SMAD3: variants seen among roughly 807,000 people sequenced by gnomAD.
SMAD3 encodes the protein SMAD family member 3, also known as MAD homolog 3.
Under a neutral mutation model 51.8 loss-of-function variants are expected in SMAD3, and 12 were observed. The ratio of observed to expected loss-of-function variants is 0.23; its 90% CI spans 0.15 to 0.38. The LOEUF (loss-of-function observed/expected upper bound fraction) is 0.38. SMAD3 is among the 10% of genes least tolerant of loss of function. SMAD3 has a pLI of 1.00. For missense variants in SMAD3, 294 were observed against 565.6 expected (o/e 0.52, Z 4.87); for synonymous variants, 238 against 227.7 (o/e 1.05, Z -0.41).
At chr15:67,068,672 C>T (rs1360405434) in intron 1 of SMAD3, among the ~76,000 whole-genome samples, 1 of 152,032 alleles carries the variant, frequency 6.6e-6, no homozygotes, top group Non-Finnish European at 1.5e-5. Context: ...TTAGGGAAAC[C>T]CAGTTGCTTG....
chr15:67,084,337 TC>T (rs1960345143), intron 1 of SMAD3, among the ~76,000 whole-genome samples: 1 of 151,894 alleles, frequency 6.6e-6, no homozygotes, highest in African/African-American at 2.4e-5. Context: ...TGCCTCGGCC[TC>T]CCAAAGTGCT....
intron 1 of SMAD3, among the ~76,000 whole-genome samples, chr15:67,115,747 G>A (rs1027128758): frequency 2.0e-5 from 3 of 152,228 alleles, no homozygotes; most frequent in Non-Finnish European, 4.4e-5. Context: ...GGCAACTTAT[G>A]CTGTGCTGGG....
intron 1 of SMAD3, among the ~76,000 whole-genome samples, chr15:67,132,071 C>T (rs952302673): frequency 3.3e-5 from 5 of 152,086 alleles, no homozygotes; most frequent in African/African-American, 9.7e-5. Context: ...TGCAGAGAAC[C>T]CTGTCCAAAC....
chr15:67,140,371 G>T (rs573650271), intron 1 of SMAD3, among the ~76,000 whole-genome samples: 2 of 152,230 alleles, frequency 1.3e-5, no homozygotes, highest in East Asian at 3.8e-4. Context: ...GTAGAGTTGA[G>T]TAGAGACTCC....
rs1042879716 is a variant in SMAD3, at chr15:67,193,699, T to C, written c.*3163T>C. 3.0e-5 allele frequency: 7 copies of C among 233,452 alleles called. No homozygotes were observed. Among genetic ancestry groups the C allele is most frequent in the Admixed American group, 5.6e-5 (1 of 17,764 alleles). The allele number at this position is 233,452 out of a possible 1,614,324, so 14.5% of individuals were successfully genotyped here. On this transcript the variant is annotated 3_prime_UTR_variant, in exon 9 of 9. Coordinates refer to ENST00000327367, the MANE Select transcript of SMAD3 (RefSeq NM_005902.4). ...CCTTATGTTGTCTGTGTTGTATTTTTTTTTTTTTATTGACCATGGTGATTA... is the reference window on the plus strand; with the variant it reads ...CCTTATGTTGTCTGTGTTGTATTTTCTTTTTTTTATTGACCATGGTGATTA...
At chr15:67,076,869 A>G (rs1037090039) in intron 1 of SMAD3, among the ~76,000 whole-genome samples, 1 of 152,148 alleles carries the variant, frequency 6.6e-6, no homozygotes, top group Non-Finnish European at 1.5e-5. Flanking sequence ...CAGCATGTGT[A>G]CCTGTGGGAC....
At chr15:67,188,121 C>T (rs1358510841) in intron 8 of SMAD3, among the ~76,000 whole-genome samples, 1 of 150,488 alleles carries the variant, frequency 6.6e-6, no homozygotes, top group Non-Finnish European at 1.5e-5. Context: ...TTTTTAGAGT[C>T]CTACATACTG....
chr15:67,123,789 T>G (rs1387254057), intron 1 of SMAD3, among the ~76,000 whole-genome samples: 1 of 152,230 alleles, frequency 6.6e-6, no homozygotes, highest in Non-Finnish European at 1.5e-5. Flanking sequence ...GTGAAGGACC[T>G]CTACATTTAA....
At chr15:67,098,791 G>A in intron 1 of SMAD3, 1 of 673,202 alleles carries the variant, frequency 1.5e-6, no homozygotes, top group Non-Finnish European at 2.7e-6. Flanking sequence ...GGGCATGGAG[G>A]GTCCTACGCA....
chr15:67,157,601 C>T (rs180963303), intron 1 of SMAD3, among the ~76,000 whole-genome samples: 4 of 152,348 alleles, frequency 2.6e-5, no homozygotes, highest in Admixed American at 6.5e-5. Flanking sequence ...ATGTGCTGTG[C>T]TCCTCACCTT....
chr15:67,138,177 A>G (rs1354260796), intron 1 of SMAD3: 1 of 1,141,298 alleles, frequency 8.8e-7, no homozygotes, highest in Admixed American at 2.0e-5. Context: ...GTTGCTGGCC[A>G]GAGATCTGTC....
At chr15:67,131,366 CA>C (rs1189126217) in intron 1 of SMAD3, among the ~76,000 whole-genome samples, 1 of 152,180 alleles carries the variant, frequency 6.6e-6, no homozygotes, top group Non-Finnish European at 1.5e-5. Context: ...TGCCATCAGC[CA>C]GGAGATAGTC....
chr15:67,188,122 C>T (rs1963267499), intron 8 of SMAD3, among the ~76,000 whole-genome samples: 1 of 149,970 alleles, frequency 6.7e-6, no homozygotes, highest in South Asian at 2.1e-4. Context: ...TTTTAGAGTC[C>T]TACATACTGG....
rs1963424396 is a variant in SMAD3 at position 67,193,661 on chromosome 15, A to G, written c.*3125A>G. On this transcript the variant is annotated 3_prime_UTR_variant, in exon 9 of 9. Coordinates refer to ENST00000327367, the MANE Select transcript of SMAD3 (RefSeq NM_005902.4). ...CACATGAGGGCAAGGCTGCTGGCAGACGTCTCCATTGTCCTTATGTTGTCT... is the reference window on the plus strand; with the variant it reads ...CACATGAGGGCAAGGCTGCTGGCAGGCGTCTCCATTGTCCTTATGTTGTCT... 4.3e-6 allele frequency: 1 copy of G among 233,050 alleles called. No homozygotes were observed. Among genetic ancestry groups the G allele is most frequent in the Non-Finnish European group, 8.5e-6 (1 of 117,842 alleles). The allele number at this position is 233,050 out of a possible 1,614,324, so 14.4% of individuals were successfully genotyped here.
At chr15:67,071,102 G>A (rs1211818822) in intron 1 of SMAD3, among the ~76,000 whole-genome samples, 1 of 152,218 alleles carries the variant, frequency 6.6e-6, no homozygotes, top group Non-Finnish European at 1.5e-5. Flanking sequence ...TGCAGCTGAG[G>A]AATGTGCTAA....
intron 1 of SMAD3, among the ~76,000 whole-genome samples, chr15:67,104,374 A>T (rs748506878): frequency 3.2e-4 from 49 of 152,318 alleles, no homozygotes; most frequent in Admixed American, 1.2e-3. Context: ...TAATCAATGT[A>T]TCTGATTCTA....
intron 1 of SMAD3, chr15:67,146,909 T>C (rs1961990435): frequency 6.6e-6 from 1 of 152,238 alleles, no homozygotes. Flanking sequence ...ATGAAGCTGC[T>C]ACCTGGTTAC....
At chr15:67,079,082 T>G (rs12592283) in intron 1 of SMAD3, among the ~76,000 whole-genome samples, 38,352 of 151,762 alleles carry the variant, frequency 0.25, 7,060 homozygotes, top group African/African-American at 0.49. Flanking sequence ...GGATTCAGGC[T>G]ATTCTCCTGC....
chr15:67,131,667 C>T (rs943587274), intron 1 of SMAD3, among the ~76,000 whole-genome samples: 24 of 152,138 alleles, frequency 1.6e-4, no homozygotes, highest in African/African-American at 4.6e-4. Flanking sequence ...GCCTCTCTCT[C>T]GAGAGCCCTA....
Sources: allele counts gnomAD v4.1 joint callset (sites outside exome capture counted in the v4.1 genomes callset), GRCh38; gene constraint gnomAD v4.1.1; transcripts MANE v1.5; gene names NCBI Gene and HGNC (gene_info 2026-07-23, HGNC 2026-07-21).